The following RHOBTB1 variants were observed in gnomAD, a reference collection of about 807,000 sequenced individuals.
RHOBTB1 encodes the protein rho-related BTB domain-containing protein 1.
RHOBTB1 carries 40 observed loss-of-function variants against 71.6 expected under a neutral mutation model. That is an observed-to-expected ratio of 0.56 (90% CI 0.43 to 0.73). The LOEUF (loss-of-function observed/expected upper bound fraction) is 0.73. Ranked by LOEUF, RHOBTB1 falls within the 30% of genes least tolerant of loss-of-function variation. The probability of loss-of-function intolerance (pLI) is 0.00; values close to 1 mark genes in which losing one functional copy is unlikely to be tolerated. For missense variants in RHOBTB1, 797 were observed against 894.0 expected, an observed-to-expected ratio of 0.89 and a Z score of 1.38; for synonymous variants, 319 against 334.9, an observed-to-expected ratio of 0.95 and a Z score of 0.52.
intron 1 of RHOBTB1, among the ~76,000 whole-genome samples, chr10:60,998,929 T>C (rs2087156433): frequency 1.3e-5 from 2 of 152,240 alleles, no homozygotes; most frequent in Non-Finnish European, 2.9e-5. Context: ...CATAAACTGC[T>C]CATCCTTGGG....
chr10:60,939,612 G>A (rs2134157942), intron 2 of RHOBTB1, among the ~76,000 whole-genome samples: 1 of 152,188 alleles, frequency 6.6e-6, no homozygotes, highest in East Asian at 1.9e-4. Flanking sequence ...TTGGTGGGAA[G>A]CCTGGCAGAG....
chr10:60,911,379 G>A lies in RHOBTB1; in HGVS notation c.164C>T (p.Ala55Val). 2 of 1,613,760 alleles carry A rather than the reference G, an allele frequency of 1.2e-6. No individual in the cohort carries two copies. Among genetic ancestry groups the A allele is most frequent in the Non-Finnish European group, 1.7e-6 (2 of 1,179,776 alleles). Residue 55 changes from alanine (A) to valine (V), a missense_variant, in exon 3 of 11, where the codon GCG becomes GTG. Ala to Val is a moderately conservative substitution (Grantham distance 64). This residue lies in a region of RHOBTB1 where 139 missense variants were observed against 212.5 expected (regional missense o/e 0.65). Transcript: ENST00000337910. The stretch of plus-strand genomic sequence containing the variant: ...CTGGCACACGCGGTACTGGTCAATC[G>A]CCCACACTGTTGGCACGTGGGTGGC... ...LLATHVPTVW[A>V]IDQYRVCQEV...
chr10:60,867,904 A>G (rs973373906), downstream of RHOBTB1, among the ~76,000 whole-genome samples: 3 of 152,164 alleles, frequency 2.0e-5, no homozygotes, highest in Non-Finnish European at 4.4e-5. Flanking sequence ...AAATTCAAGA[A>G]AGCTGTCTTC....
At chr10:60,990,616 AC>A (rs1407102670) in intron 1 of RHOBTB1, among the ~76,000 whole-genome samples, 1 of 151,718 alleles carries the variant, frequency 6.6e-6, no homozygotes, top group Non-Finnish European at 1.5e-5. Context: ...CTTTCCTAGA[AC>A]CCTTGCTCCT....
the RHOBTB1 span, among the ~76,000 whole-genome samples, chr10:60,862,151 T>TTC: frequency 0.17 from 26,000 of 149,236 alleles, 2,563 homozygotes; most frequent in African/African-American, 0.27. Flanking sequence ...CTCTCTTTCT[T>TTC]TTTCTTTCCT....
intron 4 of RHOBTB1, among the ~76,000 whole-genome samples, chr10:60,896,865 T>G (rs981762067): frequency 6.6e-6 from 1 of 152,132 alleles, no homozygotes; most frequent in Non-Finnish European, 1.5e-5. Flanking sequence ...TCTTGTTTCA[T>G]AGAGGAGTGG....
intron 2 of RHOBTB1, among the ~76,000 whole-genome samples, chr10:60,937,454 A>G (rs1342134361): frequency 6.6e-6 from 1 of 152,196 alleles, no homozygotes; most frequent in Non-Finnish European, 1.5e-5. Flanking sequence ...ACTGGCAATA[A>G]TATTCTCTGG....
Position 60,911,486 on chromosome 10 carries a change from G to A in RHOBTB1, c.57C>T (p.Val19=), listed in dbSNP as rs775151723. The change falls in exon 3 of 11, where the codon GTC becomes GTT. Residue 19 remains valine (V), a synonymous_variant. Coordinates refer to ENST00000337910, the MANE Select transcript of RHOBTB1 (RefSeq NM_014836.5). ...RPNVETIKCV[V]VGDNAVGKTR... is the part of the protein sequence containing the mutation. ...TCTTCCCCACGGCATTGTCACCCAC[G>A]ACCACACATTTGATAGTTTCAACGT... 14 of 1,614,020 alleles carry A rather than the reference G, an allele frequency of 8.7e-6. No individual in the cohort carries two copies. The highest frequency in any genetic ancestry group is 6.7e-5 in the African/African-American group (5 of 74,910).
intron 10 of RHOBTB1, 53 bp from the exon 11 acceptor site, chr10:60,871,704 A>G: frequency 6.5e-7 from 1 of 1,541,092 alleles, no homozygotes; most frequent in Non-Finnish European, 8.9e-7. Flanking sequence ...GATGCCTTTT[A>G]TGTGCTAGGC....
At chr10:60,991,720 C>T (rs1356466848) in intron 1 of RHOBTB1, among the ~76,000 whole-genome samples, 5 of 152,174 alleles carry the variant, frequency 3.3e-5, no homozygotes, top group African/African-American at 4.8e-5. Context: ...CATGAGCCAC[C>T]GCACCCGACC....
chr10:60,903,660 AGGCCCCTGGGTCAGACTATG>A (rs57963914), intron 4 of RHOBTB1, among the ~76,000 whole-genome samples: 71,121 of 151,632 alleles, frequency 0.47, 17,564 homozygotes, highest in African/African-American at 0.63. Flanking sequence ...GCTGAGAAAC[AGGCCCCTGGGTCAGACTATG>A]GGCCCCTGGG....
chr10:60,967,193 T>G (rs1437222366), intron 2 of RHOBTB1, among the ~76,000 whole-genome samples: 1 of 147,668 alleles, frequency 6.8e-6, no homozygotes, highest in Admixed American at 6.8e-5. Context: ...GGCAAGGGAA[T>G]AGCAAGTAAA....
intron 3 of RHOBTB1, 73 bp from the exon 4 acceptor site, chr10:60,911,063 G>T: frequency 8.5e-7 from 1 of 1,182,034 alleles, no homozygotes; most frequent in Non-Finnish European, 1.3e-6. Context: ...GTTCAAGTCA[G>T]CACCCTCAGT....
intron 7 of RHOBTB1, among the ~76,000 whole-genome samples, chr10:60,883,620 T>C (rs550630800): frequency 1.3e-5 from 2 of 152,354 alleles, no homozygotes; most frequent in East Asian, 3.9e-4. Context: ...CTGAAGTCAG[T>C]CAAATACCAA....
intron 2 of RHOBTB1, among the ~76,000 whole-genome samples, chr10:60,952,465 C>A (rs2085446316): frequency 6.6e-6 from 1 of 152,180 alleles, no homozygotes; most frequent in African/African-American, 2.4e-5. Context: ...ATTAACTCCT[C>A]ACAATGACTT....
chr10:60,898,696 T>C (rs147282517), intron 4 of RHOBTB1, among the ~76,000 whole-genome samples: 1 of 152,314 alleles, frequency 6.6e-6, no homozygotes, highest in African/African-American at 2.4e-5. Flanking sequence ...GCTTCTTAAG[T>C]ACAGATGTTA....
intron 4 of RHOBTB1, among the ~76,000 whole-genome samples, chr10:60,907,754 A>G (rs2082751972): frequency 1.3e-5 from 2 of 152,186 alleles, no homozygotes; most frequent in Admixed American, 6.5e-5. Flanking sequence ...AATCCAAAAG[A>G]GCAAATAGAA....
chr10:60,935,637 G>T (rs968287783), intron 2 of RHOBTB1, among the ~76,000 whole-genome samples: 5 of 152,110 alleles, frequency 3.3e-5, no homozygotes, highest in African/African-American at 4.8e-5. Flanking sequence ...TAGCCCACAA[G>T]AACTAGTTGT....
intron 2 of RHOBTB1, among the ~76,000 whole-genome samples, chr10:60,937,564 T>C (rs988007360): frequency 1.3e-5 from 2 of 151,952 alleles, no homozygotes; most frequent in Non-Finnish European, 2.9e-5. Flanking sequence ...TGGAAGAAAA[T>C]GAGAGCCACA....
Sources: gnomAD v4.1 joint callset for allele counts (sites outside exome capture counted in the v4.1 genomes callset) on GRCh38, gnomAD v4.1.1 for gene constraint, gnomAD v4.1.1 regional missense constraint, MANE v1.5 for transcripts, NCBI Gene and HGNC (gene_info 2026-07-23, HGNC 2026-07-21) for gene names.